The following ATM variants were observed in gnomAD, a reference collection of about 807,000 sequenced individuals.
The protein encoded by ATM is serine-protein kinase ATM.
In ATM, 308 loss-of-function variants were observed where a neutral mutation model predicts 387.0. The ratio of observed to expected loss-of-function variants is 0.80; its 90% CI spans 0.73 to 0.87. The LOEUF is 0.87. Ranked by LOEUF, ATM falls within the 40% of genes least tolerant of loss-of-function variation. The pLI is 0.00. For missense variants in ATM, 3,312 were observed against 3,560.9 expected (o/e 0.93, Z 1.78); for synonymous variants, 1,156 against 1,187.3 (o/e 0.97, Z 0.54).
chr11:108,229,137 T>G (rs2135031587), intron 3 of ATM, 41 bp from the exon 4 acceptor site: 1 of 1,576,234 alleles, frequency 6.3e-7, no homozygotes, highest in Non-Finnish European at 8.7e-7. Context: ...ATAATTTAAG[T>G]ATTCAACGAG....
At chr11:108,337,511 G>C (rs2086978173) in intron 56 of ATM, among the ~76,000 whole-genome samples, 1 of 152,154 alleles carries the variant, frequency 6.6e-6, no homozygotes, top group Non-Finnish European at 1.5e-5. Context: ...CCCATTCTTA[G>C]AATTTCTAAT....
rs1353259144 is a variant in ATM at position 108,306,753 on chromosome 11, C to T, written c.5675-1144C>T. Among the ~76,000 whole-genome samples, 8 of 152,268 alleles carry T rather than the reference C, an allele frequency of 5.3e-5. No individual in the cohort carries two copies. The East Asian group carries it at 7.7e-4, about 15-fold the overall frequency. Reference sequence around the variant, plus strand: ...TATAAGCCTCATTGCCTTCACTAAACGTCCCATGTGCATCTCAAACTCAGC... The same window carrying T: ...TATAAGCCTCATTGCCTTCACTAAATGTCCCATGTGCATCTCAAACTCAGC... On this transcript the variant is annotated intron_variant, in intron 37 of 62. Transcript: ENST00000675843.
chr11:108,279,725 C>A, intron 23 of ATM, 117 bp downstream of exon 23: 1 of 836,286 alleles, frequency 1.2e-6, no homozygotes, highest in Non-Finnish European at 2.0e-6. Flanking sequence ...CAGTATAAAG[C>A]TGCTCTAAAA....
chr11:108,359,827 G>A (rs2137602230), intron 61 of ATM, among the ~76,000 whole-genome samples: 1 of 152,070 alleles, frequency 6.6e-6, no homozygotes, highest in South Asian at 2.1e-4. Flanking sequence ...AGCACTAAAT[G>A]CCCACAAGAG....
chr11:108,319,246 T>C (rs2085011229), intron 43 of ATM, among the ~76,000 whole-genome samples: 1 of 152,172 alleles, frequency 6.6e-6, no homozygotes, highest in African/African-American at 2.4e-5. Flanking sequence ...ATTAGAGATA[T>C]ATCCTCATAT....
At chr11:108,242,164 T>C (rs1025570806) in intron 5 of ATM, among the ~76,000 whole-genome samples, 22 of 152,066 alleles carry the variant, frequency 1.4e-4, no homozygotes, top group Non-Finnish European at 2.4e-4. Context: ...GTTACTGATA[T>C]TAGAAATGAA....
chr11:108,336,051 C>T (rs1476995860), intron 56 of ATM, 90 bp downstream of exon 56: 1 of 965,306 alleles, frequency 1.0e-6, no homozygotes, highest in East Asian at 2.5e-5. Context: ...ATTCATAATG[C>T]TTTGGGAGGC....
intron 56 of ATM, among the ~76,000 whole-genome samples, chr11:108,340,558 T>C (rs2087428566): frequency 6.6e-6 from 1 of 152,216 alleles, no homozygotes; most frequent in Non-Finnish European, 1.5e-5. Flanking sequence ...TTACCACCCC[T>C]GCTATTACCA....
chr11:108,243,931 ATAATT>A lies in ATM; in HGVS notation c.497-20_497-16del, dbSNP rs2079692495. 1 of 1,431,210 alleles carries A rather than the reference ATAATT, an allele frequency of 7.0e-7. No individual in the cohort carries two copies. Among genetic ancestry groups the A allele is most frequent in the African/African-American group, 1.4e-5 (1 of 70,026 alleles). 88.7% of individuals were successfully genotyped at this position (1,431,210 alleles called of 1,614,324 possible). A position where few individuals can be genotyped will look rare whatever the true frequency, so the allele number is the denominator to read the frequency against. ...TTTGATTTTTAAAAAATCATGACTA[ATAATT>A]TTTTTTTTTTTTTAAGAATTGTTCT... On this transcript the variant is annotated splice_polypyrimidine_tract_variant and intron_variant, in intron 5 of 62. Transcript: ENST00000675843.
At chr11:108,321,036 A>G (rs1378884074) in intron 44 of ATM, among the ~76,000 whole-genome samples, 3 of 152,202 alleles carry the variant, frequency 2.0e-5, no homozygotes, top group Non-Finnish European at 2.9e-5. Flanking sequence ...TGAGTAGGAT[A>G]AGGAGGAAGG....
At chr11:108,358,687 G>A (rs12362933) in intron 61 of ATM, among the ~76,000 whole-genome samples, 1 of 148,668 alleles carries the variant, frequency 6.7e-6, no homozygotes, top group African/African-American at 2.5e-5. Flanking sequence ...TTCATATCCA[G>A]CCAAACTAAG....
intron 8 of ATM, among the ~76,000 whole-genome samples, chr11:108,247,557 T>C (rs1353715870): frequency 6.6e-6 from 1 of 152,206 alleles, no homozygotes. Context: ...TTTTACTATG[T>C]TGTACAACCA....
At chr11:108,258,739 C>T (rs567916999) in intron 15 of ATM, among the ~76,000 whole-genome samples, 1 of 152,116 alleles carries the variant, frequency 6.6e-6, no homozygotes, top group Admixed American at 6.6e-5. Context: ...AAACTCTAAC[C>T]TATAATTATA....
intron 5 of ATM, among the ~76,000 whole-genome samples, chr11:108,241,205 T>G (rs2079537751): frequency 6.6e-6 from 1 of 152,164 alleles, no homozygotes; most frequent in Non-Finnish European, 1.5e-5. Flanking sequence ...AGCTTTCATC[T>G]CCTATGATAA....
At chr11:108,236,960 CTA>C (rs1320320630) in intron 5 of ATM, among the ~76,000 whole-genome samples, 2 of 151,956 alleles carry the variant, frequency 1.3e-5, no homozygotes, top group South Asian at 2.1e-4. Flanking sequence ...TACACGAACT[CTA>C]AAAGTTTAGA....
chr11:108,231,480 G>C (rs2079007809), intron 4 of ATM: 1 of 152,062 alleles, frequency 6.6e-6, no homozygotes. Context: ...CAGATCACCT[G>C]AGGTCAGGAG....
Position 108,325,470 on chromosome 11 carries a change from G to A in ATM, c.6733G>A (p.Glu2245Lys), listed in dbSNP as rs2085572299. The change falls in exon 46 of 63, where the codon GAA (glutamate) becomes AAA (lysine). Residue 2245 changes from glutamate to lysine, a missense_variant. Transcript: ENST00000675843. ...MEKEMDNSQR[E>K]CIKDILTKHL... ...AAAGGAAATGGACAACTCACAAAGA[G>A]AATGTATTAAGGACATTCTCACCAA... 1 of 1,613,632 alleles carries A rather than the reference G, an allele frequency of 6.2e-7. No individual in the cohort carries two copies. Among genetic ancestry groups the A allele is most frequent in the Non-Finnish European group, 8.5e-7 (1 of 1,179,898 alleles).
At chr11:108,298,524 T>C (rs1406590410) in intron 33 of ATM, among the ~76,000 whole-genome samples, 1 of 152,240 alleles carries the variant, frequency 6.6e-6, no homozygotes, top group East Asian at 1.9e-4. Flanking sequence ...ATAGTGGCAC[T>C]GCTTTTATGG....
At chr11:108,256,441 G>T in intron 14 of ATM, 101 bp downstream of exon 14, 2 of 1,246,348 alleles carry the variant, frequency 1.6e-6, no homozygotes, top group Non-Finnish European at 2.3e-6. Context: ...TTTTATGCAG[G>T]TTAACCCTTT....
Sources: gnomAD v4.1 joint callset for allele counts (sites outside exome capture counted in the v4.1 genomes callset) on GRCh38, gnomAD v4.1.1 for gene constraint, MANE v1.5 for transcripts, NCBI Gene and HGNC (gene_info 2026-07-23, HGNC 2026-07-21) for gene names.